The following SP1 variants were observed in gnomAD, a reference collection of about 807,000 sequenced individuals.
SP1 encodes transcription factor Sp1.
SP1 carries 6 observed loss-of-function variants against 66.3 expected under a neutral mutation model. The ratio of observed to expected loss-of-function variants is 0.09; its 90% CI spans 0.05 to 0.18. The LOEUF is 0.18. Ranked by LOEUF, SP1 falls within the 10% of genes least tolerant of loss-of-function variation. The pLI is 1.00. For missense variants in SP1, 848 were observed against 964.5 expected (o/e 0.88, Z 1.60); for synonymous variants, 417 against 360.8 (o/e 1.16, Z -1.77).
intron 2 of SP1, 26 bp downstream of exon 2, chr12:53,381,839 A>G: frequency 6.3e-7 from 1 of 1,594,114 alleles, no homozygotes; most frequent in South Asian, 1.1e-5. Flanking sequence ...AGAGTGGGGA[A>G]GGTGTTGAGA....
At chr12:53,397,368 G>T (rs957595960) in intron 3 of SP1, among the ~76,000 whole-genome samples, 88 of 151,672 alleles carry the variant, frequency 5.8e-4, no homozygotes, top group African/African-American at 2.1e-3. Flanking sequence ...GCTAATTCCT[G>T]TCACCCATCT....
intron 3 of SP1, among the ~76,000 whole-genome samples, chr12:53,390,085 C>T (rs1301571402): frequency 6.6e-6 from 1 of 152,116 alleles, no homozygotes; most frequent in Non-Finnish European, 1.5e-5. Flanking sequence ...TGTTTTAGAG[C>T]AGTACATTTG....
chr12:53,407,556 CTG>C (rs1201516195), intron 4 of SP1, among the ~76,000 whole-genome samples: 1 of 151,636 alleles, frequency 6.6e-6, no homozygotes, highest in African/African-American at 2.4e-5. Flanking sequence ...CATCTCCTGA[CTG>C]TGTGATCTGC....
intron 5 of SP1, among the ~76,000 whole-genome samples, chr12:53,409,978 C>T (rs1289782198): frequency 6.6e-6 from 1 of 151,820 alleles, no homozygotes; most frequent in East Asian, 1.9e-4. Flanking sequence ...CCACTGCACT[C>T]CAGCCTGGGC....
chr12:53,402,856 C>G (rs1938638736), intron 3 of SP1, among the ~76,000 whole-genome samples: 1 of 151,832 alleles, frequency 6.6e-6, no homozygotes. Flanking sequence ...GCCTGTAGTC[C>G]CAGTTACTTA....
At chr12:53,397,342 A>G (rs1938511844) in intron 3 of SP1, among the ~76,000 whole-genome samples, 2 of 151,702 alleles carry the variant, frequency 1.3e-5, no homozygotes, top group Admixed American at 1.3e-4. Context: ...GTACTGTTTT[A>G]CTTTTCTTAC....
chr12:53,413,339 CCTT>C lies in SP1; in HGVS notation c.*2100_*2102del, dbSNP rs1291024793. 1.3e-5 allele frequency: 2 copies of C among 152,116 alleles called. No homozygotes were observed. The highest frequency in any genetic ancestry group is 2.4e-5 in the African/African-American group (1 of 41,390). 9.4% of individuals were successfully genotyped at this position (152,116 alleles called of 1,614,324 possible). On this transcript the variant is annotated 3_prime_UTR_variant, in exon 6 of 6. Coordinates refer to ENST00000327443, the MANE Select transcript of SP1 (RefSeq NM_138473.3). ...CCAACATCCAGATCTATAGCAGAGT[CCTT>C]ATTCTTCTCATAAATCTTTTTACTT...
At position 53,383,527 on chromosome 12, in the gene SP1, C is replaced by T; in HGVS notation, c.1580C>T (p.Pro527Leu). 1 of 1,614,184 alleles carries T rather than the reference C, an allele frequency of 6.2e-7. No homozygotes were observed. The highest frequency in any genetic ancestry group is 8.5e-7 in the Non-Finnish European group (1 of 1,180,036). The change falls in exon 3 of 6, where the codon CCA becomes CTA. Residue 527 changes from proline (P) to leucine (L), a missense_variant. This residue lies in a region of SP1 where 606 missense variants were observed against 589.9 expected (regional missense o/e 1.03). Transcript: ENST00000327443. ...AATGCTGCTCAACTCTCCTCCATGC[C>T]AGGCCTCCAGACCATTAACCTCAGT... ...TVNAAQLSSMPGLQTINLSAL... is the reference protein window; with the variant it reads ...TVNAAQLSSMLGLQTINLSAL...
intron 3 of SP1, among the ~76,000 whole-genome samples, chr12:53,397,780 C>T (rs1938522760): frequency 6.6e-6 from 1 of 151,950 alleles, no homozygotes; most frequent in Non-Finnish European, 1.5e-5. Flanking sequence ...TCTTGAACCC[C>T]TGACCTCAGA....
intron 3 of SP1, among the ~76,000 whole-genome samples, chr12:53,405,230 C>T (rs1034772880): frequency 2.0e-5 from 3 of 152,156 alleles, no homozygotes. Flanking sequence ...TCTCCTGCCT[C>T]AGCCTTCCAA....
intron 3 of SP1, among the ~76,000 whole-genome samples, chr12:53,398,372 T>A (rs997976514): frequency 3.3e-5 from 5 of 152,132 alleles, no homozygotes; most frequent in South Asian, 2.1e-4. Context: ...AACCTCTGCC[T>A]CCCGGGTTCA....
At chr12:53,388,502 A>G (rs938545171) in intron 3 of SP1, among the ~76,000 whole-genome samples, 15 of 152,278 alleles carry the variant, frequency 9.9e-5, no homozygotes, top group African/African-American at 3.4e-4. Context: ...CTGTTTTGTA[A>G]GAGTTGAGAT....
intron 4 of SP1, among the ~76,000 whole-genome samples, chr12:53,407,432 A>G (rs748617090): frequency 6.1e-5 from 9 of 148,550 alleles, no homozygotes; most frequent in African/African-American, 1.5e-4. Context: ...GGTTCAAGCA[A>G]TTCTGCCTCA....
In SP1 at chr12:53,388,779, A is replaced by G. The variant is rs534787873; in HGVS notation, c.1675+5157A>G. ...CAGATCTCTTGAGCTCAGGAGTTCA[A>G]GACCAGCCTGGGCAACATAGGGATC... On this transcript the variant is annotated intron_variant, in intron 3 of 5. Coordinates refer to ENST00000327443, the MANE Select transcript of SP1 (RefSeq NM_138473.3). 7.9e-5 allele frequency among the ~76,000 whole-genome samples: 12 copies of G among 152,192 alleles called. No individual in the cohort carries two copies. In the South Asian group the frequency reaches 2.3e-3, roughly 29 times the overall value.
chr12:53,411,100 C>T lies in SP1; in HGVS notation c.2218C>T (p.Pro740Ser), dbSNP rs1166576037. ...TTCAGAAGGCAGTGGCACTGCCACT[C>T]CTTCAGCCCTTATTACCACCAATAT... ...AGSEGSGTAT[P>S]SALITTNMVA... is the part of the protein sequence containing the mutation. The change falls in exon 6 of 6, where the codon CCT becomes TCT. Residue 740 changes from proline to serine, a missense_variant. This residue lies in a region of SP1 where 73 missense variants were observed against 91.9 expected (regional missense o/e 0.79). Transcript: ENST00000327443. 6.2e-7 allele frequency: 1 copy of T among 1,614,210 alleles called. No homozygotes were observed. The highest frequency in any genetic ancestry group is 1.1e-5 in the South Asian group (1 of 91,088).
chr12:53,404,459 T>C (rs1164623548), intron 3 of SP1, among the ~76,000 whole-genome samples: 3 of 150,982 alleles, frequency 2.0e-5, no homozygotes, highest in African/African-American at 2.4e-5. Flanking sequence ...GGAAAATCGC[T>C]TGAACCCAGG....
At chr12:53,390,202 AAATAT>A (rs1275543617) in intron 3 of SP1, among the ~76,000 whole-genome samples, 1 of 152,224 alleles carries the variant, frequency 6.6e-6, no homozygotes, top group Non-Finnish European at 1.5e-5. Context: ...ATATTTTATC[AAATAT>A]AATGTTGAAT....
At chr12:53,396,555 G>A (rs1757135134) in intron 3 of SP1, among the ~76,000 whole-genome samples, 1 of 152,116 alleles carries the variant, frequency 6.6e-6, no homozygotes, top group South Asian at 2.1e-4. Flanking sequence ...GCGACAGAGC[G>A]AGACTCCATC....
chr12:53,407,151 A>ATGCTG (rs1310245471), intron 4 of SP1, among the ~76,000 whole-genome samples: 2 of 149,878 alleles, frequency 1.3e-5, no homozygotes, highest in African/African-American at 4.9e-5. Flanking sequence ...TTAGGATTTA[A>ATGCTG]GACTCAGAGC....
Sources: allele counts gnomAD v4.1 joint callset (sites outside exome capture counted in the v4.1 genomes callset), GRCh38; gene constraint gnomAD v4.1.1; regional missense constraint gnomAD v4.1.1; transcripts MANE v1.5; gene names NCBI Gene and HGNC (gene_info 2026-07-23, HGNC 2026-07-21).